TANC2: variants seen among roughly 807,000 people sequenced by gnomAD.
The protein encoded by TANC2 is tetratricopeptide repeat, ankyrin repeat and coiled-coil containing 2, also known as protein TANC2.
In TANC2, 26 loss-of-function variants were observed where a neutral mutation model predicts 210.5. The observed-to-expected ratio is 0.12, with a 90% CI of 0.09 to 0.17. The LOEUF is 0.17. Ranked by LOEUF, TANC2 falls within the 10% of genes least tolerant of loss-of-function variation. TANC2 has a pLI of 1.00. For missense variants in TANC2, 2,129 were observed against 2,608.9 expected (o/e 0.82, Z 4.01); for synonymous variants, 931 against 967.1 (o/e 0.96, Z 0.69).
intron 2 of TANC2, among the ~76,000 whole-genome samples, chr17:63,021,347 A>G (rs2034339565): frequency 6.6e-6 from 1 of 152,292 alleles, no homozygotes; most frequent in South Asian, 2.1e-4. Context: ...GGGAGGTAGT[A>G]CCTTTAAGAG....
At chr17:63,099,240 A>G in exon 4 of TANC2, 1 of 1,610,392 alleles carries the variant, frequency 6.2e-7, no homozygotes, top group African/African-American at 1.3e-5. Flanking sequence ...ACTTCCAGTG[A>G]GTGAAGGTAT....
In TANC2 at chr17:63,082,491, A is replaced by G. The variant is rs913325923; in HGVS notation, c.139+8477A>G. On this transcript the variant is annotated intron_variant, in intron 3 of 27. Transcript: ENST00000689528. ...AGACAAACCTGAAAACCTTCACACT[A>G]TAAACACAGAAGTGGTAAATAATGT... 3.2e-4 allele frequency among the ~76,000 whole-genome samples: 48 copies of G among 152,232 alleles called. 1 individual carries two copies. The highest frequency in any genetic ancestry group is 3.1e-3 in the Admixed American group (48 of 15,288).
At chr17:63,056,560 T>C (rs2035813876) in intron 2 of TANC2, among the ~76,000 whole-genome samples, 1 of 151,960 alleles carries the variant, frequency 6.6e-6, no homozygotes, top group Admixed American at 6.6e-5. Flanking sequence ...GCACCTGTAG[T>C]CCCAGCTACT....
At chr17:63,280,784 AC>A (rs2146347417) in intron 9 of TANC2, among the ~76,000 whole-genome samples, 1 of 152,222 alleles carries the variant, frequency 6.6e-6, no homozygotes, top group East Asian at 1.9e-4. Flanking sequence ...TGCTTCTGGA[AC>A]TTCAGTAGGT....
intron 9 of TANC2, among the ~76,000 whole-genome samples, chr17:63,295,243 G>T (rs900454156): frequency 6.6e-6 from 1 of 152,096 alleles, no homozygotes; most frequent in East Asian, 1.9e-4. Context: ...GGCTAATTTT[G>T]TCTGTGTTCC....
At chr17:63,327,752 A>G (rs2045696144) in intron 11 of TANC2, among the ~76,000 whole-genome samples, 1 of 149,214 alleles carries the variant, frequency 6.7e-6, no homozygotes, top group South Asian at 2.1e-4. Context: ...TGCAGCCATT[A>G]AAAAAAAAGA....
intron 9 of TANC2, among the ~76,000 whole-genome samples, chr17:63,275,547 C>T (rs548481394): frequency 1.0e-3 from 156 of 152,266 alleles, no homozygotes; most frequent in African/African-American, 3.6e-3. Context: ...CTTACATTAG[C>T]CTACTGAGTC....
At chr17:63,005,047 CT>C (rs2033554568) in intron 1 of TANC2, 4 of 151,632 alleles carry the variant, frequency 2.6e-5, no homozygotes, top group African/African-American at 7.4e-5. Context: ...TTGTTGTTGC[CT>C]TCTTCTTCAC....
intron 14 of TANC2, among the ~76,000 whole-genome samples, chr17:63,371,488 G>A (rs1309856994): frequency 1.3e-5 from 2 of 151,356 alleles, no homozygotes; most frequent in African/African-American, 2.4e-5. Context: ...AAAAATCAAA[G>A]CACCTAAGTG....
At chr17:63,394,757 A>G (rs891406771) in intron 17 of TANC2, among the ~76,000 whole-genome samples, 1 of 152,146 alleles carries the variant, frequency 6.6e-6, no homozygotes, top group Non-Finnish European at 1.5e-5. Context: ...CTGAAATGTT[A>G]TTTCACTTTT....
intron 1 of TANC2, among the ~76,000 whole-genome samples, chr17:62,968,194 C>G (rs1344900479): frequency 6.6e-6 from 1 of 152,104 alleles, no homozygotes; most frequent in African/African-American, 2.4e-5. Context: ...TATATGTATA[C>G]ATACAATGAG....
intron 5 of TANC2, among the ~76,000 whole-genome samples, chr17:63,163,680 G>A (rs1161313818): frequency 1.3e-5 from 2 of 152,102 alleles, no homozygotes; most frequent in Non-Finnish European, 2.9e-5. Flanking sequence ...ATAGTAGTAG[G>A]CATTGGTCTG....
intron 14 of TANC2, among the ~76,000 whole-genome samples, chr17:63,361,747 C>T (rs2046964239): frequency 6.6e-6 from 1 of 152,214 alleles, no homozygotes; most frequent in Non-Finnish European, 1.5e-5. Context: ...TTCAGCAGGT[C>T]CTGAGGTCTT....
At chr17:63,243,901 G>A (rs2042845561) in intron 8 of TANC2, among the ~76,000 whole-genome samples, 1 of 152,126 alleles carries the variant, frequency 6.6e-6, no homozygotes, top group African/African-American at 2.4e-5. Context: ...TGAGTGTCCT[G>A]GGAATTTAAC....
chr17:63,080,511 A>G (rs17548798), intron 3 of TANC2, among the ~76,000 whole-genome samples: 91,027 of 152,114 alleles, frequency 0.6, 29,816 homozygotes, highest in African/African-American at 0.87. Context: ...AATGCGGACG[A>G]TGTGGCTTTG....
intron 1 of TANC2, among the ~76,000 whole-genome samples, chr17:63,003,889 T>G (rs1220626404): frequency 6.6e-6 from 1 of 152,214 alleles, no homozygotes; most frequent in Admixed American, 6.5e-5. Context: ...GTCTGTTTTT[T>G]AATTTGTTTG....
intron 2 of TANC2, among the ~76,000 whole-genome samples, chr17:63,045,656 C>T (rs1022892248): frequency 6.6e-6 from 1 of 151,884 alleles, no homozygotes; most frequent in Non-Finnish European, 1.5e-5. Context: ...AGCCAATTTT[C>T]CCCACCATAT....
chr17:63,362,645 G>A (rs1325787440), intron 14 of TANC2, among the ~76,000 whole-genome samples: 4 of 152,200 alleles, frequency 2.6e-5, no homozygotes, highest in Non-Finnish European at 5.9e-5. Flanking sequence ...TGGGGCTGGC[G>A]TGTCAACACT....
intron 4 of TANC2, chr17:63,120,754 T>TAA (rs1278112190): frequency 7.2e-6 from 1 of 139,240 alleles, no homozygotes; most frequent in Non-Finnish European, 1.5e-5. Flanking sequence ...GGTAAAGTTG[T>TAA]AGTGAGCCGT....
Sources: gnomAD v4.1 joint callset for allele counts (sites outside exome capture counted in the v4.1 genomes callset) on GRCh38, gnomAD v4.1.1 for gene constraint, MANE v1.5 for transcripts, NCBI Gene and HGNC (gene_info 2026-07-23, HGNC 2026-07-21) for gene names.